The following PRSS23 variants were observed in gnomAD, a reference collection of about 807,000 sequenced individuals.
PRSS23 encodes the protein protease, serine 23.
A neutral mutation model predicts 34.7 loss-of-function variants in PRSS23; 25 were observed. The ratio of observed to expected loss-of-function variants is 0.72; its 90% CI spans 0.53 to 1.01. The LOEUF (loss-of-function observed/expected upper bound fraction) is 1.01. PRSS23 is among the 50% of genes least tolerant of loss of function. The pLI is 0.00. For missense variants in PRSS23, 445 were observed against 475.6 expected (o/e 0.94, Z 0.60); for synonymous variants, 176 against 186.6 (o/e 0.94, Z 0.46).
At chr11:86,902,805 T>G (rs1368977493) in intron 2 of PRSS23, among the ~76,000 whole-genome samples, 1 of 152,206 alleles carries the variant, frequency 6.6e-6, no homozygotes, top group African/African-American at 2.4e-5. Context: ...AAGCCTGAAT[T>G]GAAAATGTCT....
At chr11:86,834,297 G>C (rs1948385196) in intron 2 of PRSS23, among the ~76,000 whole-genome samples, 1 of 152,152 alleles carries the variant, frequency 6.6e-6, no homozygotes, top group Non-Finnish European at 1.5e-5. Context: ...GCAGGCAAAA[G>C]TATTTTTCCT....
At chr11:86,828,026 T>C (rs1045140406) in intron 2 of PRSS23, among the ~76,000 whole-genome samples, 25 of 152,204 alleles carry the variant, frequency 1.6e-4, no homozygotes, top group African/African-American at 6.0e-4. Context: ...GGTGCAGAGC[T>C]GAGTTCAATT....
rs1949099912 is a variant in PRSS23, at chr11:86,928,626, G to A, written c.207-22590G>A. Among the ~76,000 whole-genome samples, 3 of 125,992 alleles carry A rather than the reference G, an allele frequency of 2.4e-5. No individual in the cohort carries two copies. The South Asian group carries it at 8.0e-4, about 34-fold the overall frequency. 82.7% of individuals were successfully genotyped at this position (125,992 alleles called of 152,430 possible). On this transcript the variant is annotated intron_variant, in intron 2 of 2. Transcript: ENST00000533902. ...GAAGACGGAGCTTGCAGTGAGCCGAGATCGCGCCACTGCACTCCAGCCTGG... is the reference window on the plus strand; with the variant it reads ...GAAGACGGAGCTTGCAGTGAGCCGAAATCGCGCCACTGCACTCCAGCCTGG...
At chr11:86,924,454 C>G (rs1017605345) in intron 2 of PRSS23, among the ~76,000 whole-genome samples, 1 of 152,106 alleles carries the variant, frequency 6.6e-6, no homozygotes, top group Non-Finnish European at 1.5e-5. Context: ...GACCTGGGAC[C>G]AAGAAGTAAG....
At chr11:86,855,877 A>G (rs1201807804) in intron 2 of PRSS23, among the ~76,000 whole-genome samples, 1 of 152,208 alleles carries the variant, frequency 6.6e-6, no homozygotes, top group Non-Finnish European at 1.5e-5. Flanking sequence ...TATTTCACTT[A>G]ATATACTGAC....
At chr11:86,824,158 A>G (rs1187634494) in intron 2 of PRSS23, among the ~76,000 whole-genome samples, 1 of 151,442 alleles carries the variant, frequency 6.6e-6, no homozygotes, top group East Asian at 1.9e-4. Flanking sequence ...AACTTCAAAA[A>G]TTAGCCGGGC....
In PRSS23 at chr11:86,931,090, G is replaced by A. The variant is rs575650429; in HGVS notation, c.207-20126G>A. ...GTTATGTTTTAAATGGATTGCTCTGGAGCCTATGAGGAGAAATGACTGGAG... is the reference window on the plus strand; with the variant it reads ...GTTATGTTTTAAATGGATTGCTCTGAAGCCTATGAGGAGAAATGACTGGAG... On this transcript the variant is annotated intron_variant, in intron 2 of 2. Coordinates refer to the PRSS23 transcript ENST00000533902. Among the ~76,000 whole-genome samples, 25 of 152,278 alleles carry A rather than the reference G, an allele frequency of 1.6e-4. 1 individual carries two copies. The South Asian group carries it at 5.0e-3, about 30-fold the overall frequency.
chr11:86,823,090 AG>A (rs1948265310), intron 1 of PRSS23, among the ~76,000 whole-genome samples: 1 of 152,208 alleles, frequency 6.6e-6, no homozygotes, highest in Non-Finnish European at 1.5e-5. Flanking sequence ...AGGCCCCGTC[AG>A]GGGATGGGGG....
At chr11:86,826,023 A>G (rs1277465287) in intron 2 of PRSS23, among the ~76,000 whole-genome samples, 2 of 152,172 alleles carry the variant, frequency 1.3e-5, no homozygotes, top group South Asian at 4.1e-4. Flanking sequence ...GAAGAAAGTC[A>G]TTGGTAGCTT....
chr11:86,892,717 A>G (rs532462903), intron 2 of PRSS23, among the ~76,000 whole-genome samples: 13 of 138,614 alleles, frequency 9.4e-5, no homozygotes, highest in African/African-American at 2.9e-4. Context: ...TAAATTTTAT[A>G]CTTATTAATT....
At chr11:86,917,190 A>G (rs1047134826) in intron 2 of PRSS23, among the ~76,000 whole-genome samples, 1 of 152,166 alleles carries the variant, frequency 6.6e-6, no homozygotes, top group Non-Finnish European at 1.5e-5. Context: ...GTGGTGGCAC[A>G]AGCCTGTAAT....
intron 2 of PRSS23, among the ~76,000 whole-genome samples, chr11:86,881,411 A>G (rs1210018050): frequency 6.6e-6 from 1 of 151,854 alleles, no homozygotes; most frequent in African/African-American, 2.4e-5. Context: ...ATTAATTTGC[A>G]TATATTGAAA....
downstream of PRSS23, among the ~76,000 whole-genome samples, chr11:86,814,600 G>T (rs886996678): frequency 6.6e-6 from 1 of 152,196 alleles, no homozygotes; most frequent in South Asian, 2.1e-4. Flanking sequence ...AGAGGAGTCT[G>T]TCTAGTCCTC....
intron 2 of PRSS23, among the ~76,000 whole-genome samples, chr11:86,864,221 A>T (rs1948635035): frequency 6.7e-6 from 1 of 148,810 alleles, no homozygotes; most frequent in Non-Finnish European, 1.5e-5. Context: ...TTTAAACTTG[A>T]TTTTTTTTTT....
At chr11:86,905,635 C>T (rs1418864683) in intron 2 of PRSS23, among the ~76,000 whole-genome samples, 1 of 152,186 alleles carries the variant, frequency 6.6e-6, no homozygotes, top group Non-Finnish European at 1.5e-5. Context: ...CAATGTCTGC[C>T]TCCCTTTCTT....
intron 2 of PRSS23, among the ~76,000 whole-genome samples, chr11:86,867,856 C>T (rs1948660097): frequency 7.9e-6 from 1 of 126,720 alleles, no homozygotes; most frequent in Non-Finnish European, 1.6e-5. Context: ...CAGCCAGTGA[C>T]AGAGTGAGAC....
rs1948166037 is a variant in PRSS23 at position 86,810,520 on chromosome 11, C to T, written c.*1725C>T. On this transcript the variant is annotated 3_prime_UTR_variant, in exon 2 of 2. Coordinates refer to ENST00000280258, the MANE Select transcript of PRSS23 (RefSeq NM_007173.6). ...CAGCACAATTTTCTTTGGAATCTAACAGGAATCTAGCCTGAGGAAGAAGGG... is the reference window on the plus strand; with the variant it reads ...CAGCACAATTTTCTTTGGAATCTAATAGGAATCTAGCCTGAGGAAGAAGGG... 6.0e-6 allele frequency: 1 copy of T among 167,064 alleles called. No homozygotes were observed. The highest frequency in any genetic ancestry group is 2.1e-4 in the South Asian group (1 of 4,834). 10.3% of individuals were successfully genotyped at this position (167,064 alleles called of 1,614,324 possible).
chr11:86,828,012 A>T (rs12417990), intron 2 of PRSS23, among the ~76,000 whole-genome samples: 1 of 146,320 alleles, frequency 6.8e-6, no homozygotes, highest in Non-Finnish European at 1.5e-5. Flanking sequence ...TATTAGGTCC[A>T]CTTGGTGCAG....
At chr11:86,877,038 G>A (rs1440175026) in intron 2 of PRSS23, among the ~76,000 whole-genome samples, 2 of 152,184 alleles carry the variant, frequency 1.3e-5, no homozygotes, top group Non-Finnish European at 2.9e-5. Flanking sequence ...CTCAATGAGC[G>A]AGGCACTTCA....
Sources: allele counts gnomAD v4.1 joint callset (sites outside exome capture counted in the v4.1 genomes callset), GRCh38; gene constraint gnomAD v4.1.1; transcripts MANE v1.5; gene names NCBI Gene and HGNC (gene_info 2026-07-23, HGNC 2026-07-21).